Variants in DLGAP2 observed in about 807,000 individuals in gnomAD.
The protein encoded by DLGAP2 is DLG associated protein 2.
DLGAP2 carries 26 observed loss-of-function variants against 100.3 expected under a neutral mutation model. The observed-to-expected ratio is 0.26, with a 90% CI of 0.19 to 0.36. The LOEUF is 0.36. Among genes scored for constraint, DLGAP2 ranks in the 10% least tolerant of loss-of-function variants. The pLI, the probability that DLGAP2 is intolerant of heterozygous loss-of-function variation, is 1.00. For missense variants in DLGAP2, 1,858 were observed against 1,453.2 expected (o/e 1.28, Z -4.53); for synonymous variants, 886 against 630.1 (o/e 1.41, Z -6.08).
At chr8:1,028,471 T>TTATTCTCCAGGTGGGGTGTCAGGCGCCCG (rs1801881381) in intron 2 of DLGAP2, among the ~76,000 whole-genome samples, 1 of 80,732 alleles carries the variant, frequency 1.2e-5, no homozygotes, top group African/African-American at 4.8e-5. Context: ...TCAGGCGCCC[T>TTATTCTCCAGGTGGGGTGTCAGGCGCCCG]TTATTCTCCA....
intron 12 of DLGAP2, among the ~76,000 whole-genome samples, chr8:1,683,825 T>C (rs2130863898): frequency 7.9e-6 from 1 of 127,220 alleles, no homozygotes; most frequent in East Asian, 2.3e-4. Context: ...TTTCCTTGTC[T>C]TTGCTCCACT....
rs572356177 is a variant in DLGAP2, at chr8:1,278,003, T to G, written c.106+19120T>G. Among the ~76,000 whole-genome samples, 7 of 152,316 alleles carry G rather than the reference T, an allele frequency of 4.6e-5. No individual in the cohort carries two copies. In the East Asian group the frequency reaches 7.7e-4, roughly 17 times the overall value. ...TCATCAAACATCTTAAAAAACAAGTTATTATTTTTAGTCATCATTGTCAGT... is the reference window on the plus strand; with the variant it reads ...TCATCAAACATCTTAAAAAACAAGTGATTATTTTTAGTCATCATTGTCAGT... On this transcript the variant is annotated intron_variant, in intron 3 of 14. Coordinates refer to ENST00000637795, the MANE Select transcript of DLGAP2 (RefSeq NM_001346810.2).
chr8:1,700,565 G>C (rs1585078091), intron 14 of DLGAP2, among the ~76,000 whole-genome samples: 1 of 152,214 alleles, frequency 6.6e-6, no homozygotes, highest in Non-Finnish European at 1.5e-5. Context: ...ACGTATTTTA[G>C]CGTGACTTAT....
At chr8:1,659,572 C>A (rs1798363600) in intron 8 of DLGAP2, among the ~76,000 whole-genome samples, 3 of 152,094 alleles carry the variant, frequency 2.0e-5, no homozygotes, top group Admixed American at 2.0e-4. Context: ...CTTCTTGTTG[C>A]ATTGATTCCT....
intron 1 of DLGAP2, among the ~76,000 whole-genome samples, chr8:750,456 A>C (rs1820762268): frequency 6.6e-6 from 1 of 152,268 alleles, no homozygotes; most frequent in African/African-American, 2.4e-5. Context: ...TAATACTCCA[A>C]ATATAAGGGT....
At chr8:1,544,494 C>G (rs922292064) in intron 4 of DLGAP2, among the ~76,000 whole-genome samples, 1 of 152,100 alleles carries the variant, frequency 6.6e-6, no homozygotes, top group South Asian at 2.1e-4. Flanking sequence ...GAAGTTCCCT[C>G]CAGTCCTAGT....
chr8:861,044 A>G (rs1797378866), intron 1 of DLGAP2, among the ~76,000 whole-genome samples: 1 of 152,148 alleles, frequency 6.6e-6, no homozygotes, highest in African/African-American at 2.4e-5. Context: ...AAGTGGCCAG[A>G]GAACAGCGGG....
chr8:912,479 G>A (rs989340378), intron 2 of DLGAP2, among the ~76,000 whole-genome samples: 1 of 152,198 alleles, frequency 6.6e-6, no homozygotes, highest in African/African-American at 2.4e-5. Context: ...GGTGGGTGGG[G>A]AGGCCTCGTT....
intron 2 of DLGAP2, among the ~76,000 whole-genome samples, chr8:1,010,359 G>T (rs573945625): frequency 1.3e-5 from 2 of 148,910 alleles, no homozygotes; most frequent in Non-Finnish European, 3.0e-5. Context: ...ATGCACACAC[G>T]CACTCATTCT....
chr8:1,504,694 C>T (rs1438047522), intron 4 of DLGAP2, among the ~76,000 whole-genome samples: 2 of 152,198 alleles, frequency 1.3e-5, no homozygotes, highest in Non-Finnish European at 2.9e-5. Context: ...CCTCCAGGCT[C>T]ATCTATGTTG....
intron 8 of DLGAP2, among the ~76,000 whole-genome samples, chr8:1,649,676 G>A (rs2130807640): frequency 6.6e-6 from 1 of 152,214 alleles, no homozygotes; most frequent in African/African-American, 2.4e-5. Flanking sequence ...ATCTATGAAG[G>A]TAGGAAAAAT....
At chr8:1,487,937 C>T (rs1208137202) in intron 3 of DLGAP2, among the ~76,000 whole-genome samples, 1 of 152,224 alleles carries the variant, frequency 6.6e-6, no homozygotes, top group South Asian at 2.1e-4. Context: ...TCCCTCTAAA[C>T]ATCTTTCCCG....
At chr8:1,540,795 A>T (rs1399156483) in intron 4 of DLGAP2, among the ~76,000 whole-genome samples, 1 of 152,242 alleles carries the variant, frequency 6.6e-6, no homozygotes, top group Non-Finnish European at 1.5e-5. Flanking sequence ...CAACCATACA[A>T]CCATTTCTGG....
intron 2 of DLGAP2, among the ~76,000 whole-genome samples, chr8:980,891 G>T (rs1189631706): frequency 6.6e-6 from 1 of 152,116 alleles, no homozygotes; most frequent in Non-Finnish European, 1.5e-5. Flanking sequence ...CTAGACTGAG[G>T]AGCTGAGACA....
chr8:1,332,942 C>T (rs1801191460), intron 3 of DLGAP2, among the ~76,000 whole-genome samples: 1 of 152,302 alleles, frequency 6.6e-6, no homozygotes, highest in Non-Finnish European at 1.5e-5. Context: ...GAGCCCCCAG[C>T]AGCAAGCCTA....
intron 14 of DLGAP2, among the ~76,000 whole-genome samples, chr8:1,697,509 T>A (rs1273624610): frequency 6.6e-6 from 1 of 152,212 alleles, no homozygotes; most frequent in Non-Finnish European, 1.5e-5. Flanking sequence ...ATTGAAGCCT[T>A]GGGCATGGGT....
At chr8:1,357,189 G>A (rs992164599) in intron 3 of DLGAP2, among the ~76,000 whole-genome samples, 1 of 152,142 alleles carries the variant, frequency 6.6e-6, no homozygotes, top group Non-Finnish European at 1.5e-5. Context: ...GGGGATCTCA[G>A]TCGCAAGGGT....
intron 2 of DLGAP2, among the ~76,000 whole-genome samples, chr8:1,100,665 G>A (rs1179100510): frequency 6.6e-6 from 1 of 152,170 alleles, no homozygotes; most frequent in Non-Finnish European, 1.5e-5. Flanking sequence ...ATTGTCAGAC[G>A]TCATGACTGA....
chr8:1,388,812 G>A (rs7386411), intron 3 of DLGAP2, among the ~76,000 whole-genome samples: 17,637 of 105,218 alleles, frequency 0.17, 1,510 homozygotes, highest in Non-Finnish European at 0.22. Flanking sequence ...AGAGGCAGAG[G>A]CCGTGGATGA....
Sources: allele counts gnomAD v4.1 joint callset (sites outside exome capture counted in the v4.1 genomes callset), GRCh38; gene constraint gnomAD v4.1.1; transcripts MANE v1.5; gene names NCBI Gene and HGNC (gene_info 2026-07-23, HGNC 2026-07-21).